Variants in ATRX observed in about 807,000 individuals in gnomAD.
ATRX encodes chromatin remodeler ATRX.
A neutral mutation model predicts 172.6 loss-of-function variants in ATRX; 12 were observed. The observed-to-expected ratio is 0.07, with a 90% CI of 0.04 to 0.11. The LOEUF is 0.11. ATRX is among the 10% of genes least tolerant of loss of function. The probability of loss-of-function intolerance (pLI) is 1.00; values close to 1 mark genes in which losing one functional copy is unlikely to be tolerated. For synonymous variants in ATRX, 674 were observed against 594.7 expected (o/e 1.13, Z -1.94); for missense variants, 1,368 against 1,767.4 (o/e 0.77, Z 4.05).
rs2148149063 is a variant in ATRX at position 77,599,771 on chromosome X, T to C, written c.5747A>G (p.Asp1916Gly). Residue 1916 changes from aspartate to glycine, a missense_variant, in exon 24 of 35, where the codon GAT (aspartate) becomes GGT (glycine). Transcript: ENST00000373344. ...SMDEFIASDS[D>G]ETSMSLSSDD... Reference sequence around the variant, plus strand: ...GGAGCTTAAACTCATGGAGGTTTCATCAGAATCTGAGGCTATAAATTCATC... The same window carrying C: ...GGAGCTTAAACTCATGGAGGTTTCACCAGAATCTGAGGCTATAAATTCATC... 8.3e-7 allele frequency: 1 copy of C among 1,210,045 alleles called. No homozygotes were observed. Among genetic ancestry groups the C allele is most frequent in the Non-Finnish European group, 1.1e-6 (1 of 894,432 alleles).
chrX:77,527,213 G>C (rs1417377052), intron 30 of ATRX, among the ~76,000 whole-genome samples: 1 of 112,219 alleles, frequency 8.9e-6, no homozygotes, highest in African/African-American at 3.2e-5. Flanking sequence ...CAAAGGGCAA[G>C]ATGGCTGATG....
intron 28 of ATRX, among the ~76,000 whole-genome samples, chrX:77,561,326 T>TACACAC (rs1164623240): frequency 1.8e-5 from 2 of 109,818 alleles, no homozygotes; most frequent in East Asian, 5.7e-4. Context: ...CATACATACA[T>TACACAC]ACACACACAC....
intron 1 of ATRX, among the ~76,000 whole-genome samples, chrX:77,767,085 T>C (rs2075984816): frequency 9.0e-6 from 1 of 111,723 alleles, no homozygotes; most frequent in Admixed American, 9.4e-5. Flanking sequence ...TCAGGTGTGG[T>C]GGCGCGCGCC....
chrX:77,644,616 T>A (rs1299008336), intron 15 of ATRX, among the ~76,000 whole-genome samples: 18 of 105,470 alleles, frequency 1.7e-4, no homozygotes, highest in African/African-American at 5.2e-4. Flanking sequence ...AATAGGAAAA[T>A]ATGGCCCAAT....
At chrX:77,694,306 G>C (rs1421472020) in intron 5 of ATRX, among the ~76,000 whole-genome samples, 1 of 111,743 alleles carries the variant, frequency 8.9e-6, no homozygotes, top group African/African-American at 3.2e-5. Flanking sequence ...CATAAAATAT[G>C]TGTGGTTCAG....
chrX:77,677,355 T>C (rs782037425), intron 9 of ATRX, among the ~76,000 whole-genome samples: 1 of 111,377 alleles, frequency 9.0e-6, no homozygotes, highest in Non-Finnish European at 1.9e-5. Flanking sequence ...CATTTCAAAA[T>C]AGCAAAATTA....
Position 77,523,273 on chromosome X carries a change from A to G in ATRX, c.6828T>C (p.Ala2276=). ...LTEEERKAAW[A]EYEAEKKGLT... Reference sequence around the variant, plus strand: ...CTACCTTCTTCTCTGCTTCATACTCAGCCCAAGCTGCTTTTCTTTCTTCTT... The same window carrying G: ...CTACCTTCTTCTCTGCTTCATACTCGGCCCAAGCTGCTTTTCTTTCTTCTT... The change falls in exon 31 of 35, where the codon GCT becomes GCC. Residue 2276 remains alanine, a synonymous_variant. Transcript: ENST00000373344. The G allele has an allele frequency of 8.3e-7, 1 of 1,211,225 alleles. No homozygotes were observed.
rs2070136834 is a variant in ATRX, at chrX:77,664,673, T to C, written c.3915A>G (p.Lys1305=). Residue 1305 remains lysine, a synonymous_variant, in exon 11 of 35, where the codon AAA becomes AAG. Transcript: ENST00000373344. The part of the protein sequence containing the change: ...EPEEGKKRTG[K]QNEENPGDEE... Reference sequence around the variant, plus strand: ...CATCTCCTGGGTTTTCTTCATTTTGTTTTCCAGTTCTTTTTTTCCCTTCTT... The same window carrying C: ...CATCTCCTGGGTTTTCTTCATTTTGCTTTCCAGTTCTTTTTTTCCCTTCTT... 1 of 1,211,656 alleles carries C rather than the reference T, an allele frequency of 8.3e-7. No homozygotes were observed. The highest frequency in any genetic ancestry group is 1.1e-6 in the Non-Finnish European group (1 of 895,276).
chrX:77,751,992 T>C (rs782285725), intron 1 of ATRX, among the ~76,000 whole-genome samples: 4 of 110,619 alleles, frequency 3.6e-5, no homozygotes, highest in Non-Finnish European at 5.7e-5. Flanking sequence ...TTGTTTTGGC[T>C]CTACGTAGTT....
Position 77,683,349 on chromosome X carries a change from T to G in ATRX, c.1907A>C (p.Asn636Thr). Reference sequence around the variant, plus strand: ...AACTTCATTTTCAACCAAATGCTCATTATCACTGTTTTCCTGTCCAAGTCC... The same window carrying G: ...AACTTCATTTTCAACCAAATGCTCAGTATCACTGTTTTCCTGTCCAAGTCC... ...KCGLGQENSD[N>T]EHLVENEVSL... is the part of the protein sequence containing the mutation. Residue 636 changes from asparagine to threonine, a missense_variant, in exon 9 of 35, where the codon AAT becomes ACT. By Grantham distance (65) the Asn-to-Thr change is moderately conservative. This residue lies in a region of ATRX where 843 missense variants were observed against 643.1 expected (regional missense o/e 1.31). Transcript: ENST00000373344. The G allele has an allele frequency of 8.3e-7, 1 of 1,211,322 alleles. No homozygotes were observed. The highest frequency in any genetic ancestry group is 1.1e-6 in the Non-Finnish European group (1 of 895,312).
chrX:77,684,057 G>C lies in ATRX; in HGVS notation c.1199C>G (p.Ala400Gly), dbSNP rs782242764. ...TGCAAGATGAGCCTTCTTAATATCA[G>C]CCAACACAGACTTAAAAGCCTTAAG... ...RQLKAFKSVL[A>G]DIKKAHLALE... The change falls in exon 9 of 35, where the codon GCT becomes GGT. Residue 400 changes from alanine to glycine, a missense_variant. Transcript: ENST00000373344. The C allele has an allele frequency of 8.3e-7, 1 of 1,208,000 alleles. No individual in the cohort carries two copies. Among genetic ancestry groups the C allele is most frequent in the Non-Finnish European group, 1.1e-6 (1 of 892,171 alleles).
chrX:77,736,820 T>C (rs1489353926), intron 1 of ATRX, among the ~76,000 whole-genome samples: 1 of 111,791 alleles, frequency 8.9e-6, no homozygotes, highest in African/African-American at 3.2e-5. Flanking sequence ...GCAACCTAAG[T>C]ATCCATCAAA....
chrX:77,644,064 C>T (rs2068790265), intron 15 of ATRX, among the ~76,000 whole-genome samples: 3 of 111,869 alleles, frequency 2.7e-5, no homozygotes, highest in Admixed American at 1.9e-4. Flanking sequence ...CTCAGCCTCC[C>T]GAGTAGCTGG....
intron 4 of ATRX, among the ~76,000 whole-genome samples, 154 bp downstream of exon 4, chrX:77,697,429 T>C (rs932741260): frequency 8.9e-6 from 1 of 112,579 alleles, no homozygotes; most frequent in African/African-American, 3.2e-5. Context: ...AAGGGATTCA[T>C]TATATTATGC....
At chrX:77,597,435 C>A (rs1429801712) in intron 25 of ATRX, among the ~76,000 whole-genome samples, 2 of 107,513 alleles carry the variant, frequency 1.9e-5, no homozygotes, top group East Asian at 5.7e-4. Flanking sequence ...TTCTGCACAG[C>A]AAAAACAAAA....
At chrX:77,637,939 C>CAAAAAAAAAAA (rs373944111) in intron 15 of ATRX, among the ~76,000 whole-genome samples, 5 of 42,841 alleles carry the variant, frequency 1.2e-4, no homozygotes, top group Non-Finnish European at 2.0e-4. Flanking sequence ...AGCTCCATCT[C>CAAAAAAAAAAA]AAAAAAAAAA....
chrX:77,634,264 TC>T (rs1736554106), intron 17 of ATRX, among the ~76,000 whole-genome samples: 1 of 93,479 alleles, frequency 1.1e-5, no homozygotes, highest in Admixed American at 1.2e-4. Context: ...AAAGGTAATT[TC>T]TACCTTAGAA....
intron 30 of ATRX, among the ~76,000 whole-genome samples, chrX:77,555,124 T>G (rs1336022977): frequency 1.8e-5 from 2 of 111,457 alleles, no homozygotes; most frequent in Non-Finnish European, 3.8e-5. Context: ...GGGTTCCTTG[T>G]AACACAGTTT....
intron 28 of ATRX, among the ~76,000 whole-genome samples, chrX:77,568,027 C>A (rs1343580813): frequency 9.1e-6 from 1 of 109,444 alleles, no homozygotes; most frequent in East Asian, 2.8e-4. Context: ...GTGCTGAAAG[C>A]GAAATTTATA....
Sources: gnomAD v4.1 joint callset for allele counts (sites outside exome capture counted in the v4.1 genomes callset) on GRCh38, gnomAD v4.1.1 for gene constraint, gnomAD v4.1.1 regional missense constraint, MANE v1.5 for transcripts, NCBI Gene and HGNC (gene_info 2026-07-23, HGNC 2026-07-21) for gene names.